Variants in NFASC observed in about 807,000 individuals in gnomAD.
The protein encoded by NFASC is neurofascin homolog.
In NFASC, 43 loss-of-function variants were observed where a neutral mutation model predicts 147.5. The observed-to-expected ratio is 0.29, with a 90% CI of 0.23 to 0.38. The LOEUF is 0.38. Among genes scored for constraint, NFASC ranks in the 10% least tolerant of loss-of-function variants. NFASC has a pLI of 1.00. For synonymous variants in NFASC, 622 were observed against 665.5 expected (o/e 0.93, Z 1.01); for missense variants, 1,320 against 1,689.0 (o/e 0.78, Z 3.83).
intron 1 of NFASC, among the ~76,000 whole-genome samples, chr1:204,862,868 C>T (rs2076786252): frequency 6.6e-6 from 1 of 152,168 alleles, no homozygotes; most frequent in African/African-American, 2.4e-5. Context: ...CTTGCTATAG[C>T]CTAGACTACT....
At chr1:204,908,551 G>A (rs1054556013) in intron 1 of NFASC, among the ~76,000 whole-genome samples, 1 of 151,918 alleles carries the variant, frequency 6.6e-6, no homozygotes, top group Non-Finnish European at 1.5e-5. Flanking sequence ...TTCAGTTGTA[G>A]CAGATAACAC....
intron 1 of NFASC, chr1:204,870,697 AG>A: frequency 2.8e-6 from 3 of 1,081,130 alleles, no homozygotes; most frequent in African/African-American, 1.7e-5. Flanking sequence ...CGGCCGAGGG[AG>A]GGGTGAGTGG....
intron 1 of NFASC, among the ~76,000 whole-genome samples, chr1:204,888,835 A>G (rs1257490135): frequency 6.6e-6 from 1 of 152,162 alleles, no homozygotes; most frequent in Non-Finnish European, 1.5e-5. Flanking sequence ...AGCCAATTAC[A>G]TGGGTTGGTT....
intron 8 of NFASC, 67 bp downstream of exon 8, chr1:204,957,893 T>TATAGACTC: frequency 6.7e-7 from 1 of 1,482,664 alleles, no homozygotes; most frequent in Non-Finnish European, 9.4e-7. Context: ...CACCCAGCCC[T>TATAGACTC]AGGTACCTGA....
chr1:205,007,008 G>T (rs1347944674), intron 27 of NFASC, among the ~76,000 whole-genome samples: 1 of 152,064 alleles, frequency 6.6e-6, no homozygotes, highest in African/African-American at 2.4e-5. Flanking sequence ...AACAGCTGAA[G>T]CGCTAAGAAT....
At chr1:204,861,038 A>ACATTTTT (rs1462718760) in intron 1 of NFASC, among the ~76,000 whole-genome samples, 2 of 146,338 alleles carry the variant, frequency 1.4e-5, no homozygotes, top group Non-Finnish European at 3.0e-5. Context: ...GTTGCTATGA[A>ACATTTTT]CATTTTTGTG....
Position 204,975,353 on chromosome 1 carries a change from C to A in NFASC, c.1641C>A (p.His547Gln), listed in dbSNP as rs766678329. ...TGCAGCTGGAGTGTCGGGTGAAGCA[C>A]GACCCCTCCCTGAAACTCACCGTCT... ...TTVQLECRVK[H>Q]DPSLKLTVSW... Residue 547 changes from histidine to glutamine, a missense_variant, in exon 15 of 30, where the codon CAC (histidine) becomes CAA (glutamine). His to Gln is a conservative substitution (Grantham distance 24, BLOSUM62 0). Around this residue, in one of 3 missense-constraint regions of NFASC, gnomAD observed 981 missense variants for 1,289.5 expected, o/e 0.76. Coordinates refer to ENST00000339876, the MANE Select transcript of NFASC (RefSeq NM_001005388.3). This position sits in a 1 kb window ranked among gnomAD's most constrained non-coding sequence, Gnocchi z 4.0. 1 of 1,614,076 alleles carries A rather than the reference C, an allele frequency of 6.2e-7. No homozygotes were observed. The highest frequency in any genetic ancestry group is 1.1e-5 in the South Asian group (1 of 91,080).
intron 8 of NFASC, among the ~76,000 whole-genome samples, chr1:204,963,265 C>A (rs1195777186): frequency 6.6e-6 from 1 of 152,192 alleles, no homozygotes; most frequent in Non-Finnish European, 1.5e-5. Flanking sequence ...ATCAGGGGAC[C>A]TTTGTTGGAT....
chr1:204,944,202 T>C, intron 2 of NFASC, 24 bp from the exon 3 acceptor site: 1 of 1,542,570 alleles, frequency 6.5e-7, no homozygotes, highest in South Asian at 1.2e-5. Context: ...AAAAACTCAC[T>C]TGCTCTTATG....
intron 2 of NFASC, among the ~76,000 whole-genome samples, chr1:204,933,876 G>A (rs937826583): frequency 7.9e-5 from 12 of 152,248 alleles, no homozygotes; most frequent in African/African-American, 2.4e-4. Context: ...GGTGACTCAC[G>A]CCTGTAATCC....
chr1:204,974,510 G>C, intron 13 of NFASC, 147 bp from the exon 14 acceptor site: 1 of 1,016,682 alleles, frequency 9.8e-7, no homozygotes. Flanking sequence ...CTGGTGGCTA[G>C]AGGCAGACCC....
intron 2 of NFASC, among the ~76,000 whole-genome samples, chr1:204,930,421 C>T (rs2092264046): frequency 6.6e-6 from 1 of 152,076 alleles, no homozygotes; most frequent in African/African-American, 2.4e-5. Flanking sequence ...TTATAGCAAC[C>T]AAGGATTTAT....
In NFASC at chr1:204,852,919, G is replaced by A. The variant is rs538719270; in HGVS notation, c.-200+24137G>A. Among the ~76,000 whole-genome samples, 3 of 152,224 alleles carry A rather than the reference G, an allele frequency of 2.0e-5. No homozygotes were observed. In the South Asian group the frequency reaches 6.2e-4, roughly 32 times the overall value. Reference sequence around the variant, plus strand: ...AGTGACCTTTGAAAGAGAGGCTGACGGTCTGGTCTGGAGGCAAGTCCCATG... The same window carrying A: ...AGTGACCTTTGAAAGAGAGGCTGACAGTCTGGTCTGGAGGCAAGTCCCATG... On this transcript the variant is annotated intron_variant, in intron 1 of 29. Coordinates refer to ENST00000339876, the MANE Select transcript of NFASC (RefSeq NM_001005388.3).
chr1:204,856,654 C>T (rs553759064), intron 1 of NFASC, among the ~76,000 whole-genome samples: 1 of 152,216 alleles, frequency 6.6e-6, no homozygotes, highest in South Asian at 2.1e-4. Flanking sequence ...ACCCCATACC[C>T]ATTGAAAAGT....
At chr1:204,833,140 T>C (rs1443725354) in intron 1 of NFASC, among the ~76,000 whole-genome samples, 1 of 152,246 alleles carries the variant, frequency 6.6e-6, no homozygotes, top group Non-Finnish European at 1.5e-5. Context: ...CCTTTTTTCA[T>C]TAGGTCTTGA....
At position 204,828,678 on chromosome 1, in the gene NFASC, G is replaced by A. The variant is rs1006392061; in HGVS notation, c.-304G>A. On this transcript the variant is annotated 5_prime_UTR_variant, in exon 1 of 30. The change abolishes an upstream ATG in the 5' untranslated region. Transcript: ENST00000339876. Reference sequence around the variant, plus strand: ...CGCACGGGCTGGTCTCTGCCCTAATGCGGCGGCTGGCGGCGAGAGGCGCTG... The same window carrying A: ...CGCACGGGCTGGTCTCTGCCCTAATACGGCGGCTGGCGGCGAGAGGCGCTG... 1.0e-6 allele frequency: 1 copy of A among 985,562 alleles called. No homozygotes were observed. The highest frequency in any genetic ancestry group is 1.7e-5 in the African/African-American group (1 of 57,358). 61.1% of individuals were successfully genotyped at this position (985,562 alleles called of 1,614,324 possible). A position where few individuals can be genotyped will look rare whatever the true frequency, so the allele number is the denominator to read the frequency against.
chr1:204,943,140 ACTGGAGGAATT>A (rs1299681244), intron 2 of NFASC, among the ~76,000 whole-genome samples: 1 of 152,188 alleles, frequency 6.6e-6, no homozygotes, highest in Non-Finnish European at 1.5e-5. Flanking sequence ...ATCTAGGAAA[ACTGGAGGAATT>A]CTGGAGAAGC....
intron 11 of NFASC, among the ~76,000 whole-genome samples, chr1:204,972,338 A>T (rs1412519542): frequency 6.6e-6 from 1 of 152,070 alleles, no homozygotes; most frequent in Non-Finnish European, 1.5e-5. Context: ...GAAAAGTGGC[A>T]ATTCTTTACA....
intron 1 of NFASC, among the ~76,000 whole-genome samples, chr1:204,854,853 C>G (rs979205905): frequency 6.6e-6 from 1 of 152,260 alleles, no homozygotes; most frequent in Admixed American, 6.5e-5. Flanking sequence ...GGGCTAATAG[C>G]TGCTTCTCCA....
Sources: allele counts gnomAD v4.1 joint callset (sites outside exome capture counted in the v4.1 genomes callset), GRCh38; gene constraint gnomAD v4.1.1; regional missense constraint gnomAD v4.1.1; non-coding constraint Gnocchi (gnomAD v3.1); transcripts MANE v1.5; gene names NCBI Gene and HGNC (gene_info 2026-07-23, HGNC 2026-07-21).